ACTR3C: variants seen among roughly 807,000 people sequenced by gnomAD.
ACTR3C encodes the protein actin related protein 3C, also known as actin-related protein 3C.
A neutral mutation model predicts 26.3 loss-of-function variants in ACTR3C; 18 were observed. The observed-to-expected ratio is 0.68, with a 90% CI of 0.47 to 1.01. The LOEUF (loss-of-function observed/expected upper bound fraction) is 1.01, where lower values mean the gene tolerates loss of function less well. Among genes scored for constraint, ACTR3C ranks in the 50% least tolerant of loss-of-function variants. The pLI is 0.00. For missense variants in ACTR3C, 184 were observed against 250.7 expected, an observed-to-expected ratio of 0.73 and a Z score of 1.80; for synonymous variants, 55 against 94.5, an observed-to-expected ratio of 0.58 and a Z score of 2.42.
chr7:149,885,070 G>A, the ACTR3C span, among the ~76,000 whole-genome samples: 1 of 152,084 alleles, frequency 6.6e-6, no homozygotes, highest in Non-Finnish European at 1.5e-5. Flanking sequence ...ATGATGCTTA[G>A]CAGTACCGCC....
chr7:150,049,988 C>T, the ACTR3C span, among the ~76,000 whole-genome samples: 2 of 152,120 alleles, frequency 1.3e-5, no homozygotes, highest in East Asian at 3.8e-4. Flanking sequence ...CTCCATTTGA[C>T]TTTGAAGACA....
the ACTR3C span, among the ~76,000 whole-genome samples, chr7:150,042,226 G>A: frequency 7.1e-5 from 2 of 28,042 alleles, no homozygotes; most frequent in Non-Finnish European, 1.4e-4. Flanking sequence ...AGCCGGGGGT[G>A]GAAGAGGGGA....
chr7:150,050,215 A>G, the ACTR3C span, among the ~76,000 whole-genome samples: 1 of 152,222 alleles, frequency 6.6e-6, no homozygotes, highest in Non-Finnish European at 1.5e-5. Flanking sequence ...CCACTTATGT[A>G]ATATACATAT....
the ACTR3C span, among the ~76,000 whole-genome samples, chr7:149,899,593 T>A: frequency 1.6e-5 from 2 of 124,580 alleles, no homozygotes; most frequent in African/African-American, 2.8e-5. Flanking sequence ...GAAAATAGAC[T>A]GGAAGAAGTA....
intron 5 of ACTR3C, among the ~76,000 whole-genome samples, chr7:150,285,278 C>G (rs977725793): frequency 1.3e-5 from 2 of 152,092 alleles, no homozygotes; most frequent in African/African-American, 4.8e-5. Context: ...TTAATTAAAC[C>G]TGGTCTAGAA....
chr7:150,084,802 C>A, the ACTR3C span, among the ~76,000 whole-genome samples: 1 of 151,954 alleles, frequency 6.6e-6, no homozygotes, highest in Non-Finnish European at 1.5e-5. Flanking sequence ...AGGATCCCTG[C>A]GGCTGTCTTA....
chr7:150,200,431 CA>C, the ACTR3C span, among the ~76,000 whole-genome samples: 3 of 141,258 alleles, frequency 2.1e-5, no homozygotes, highest in African/African-American at 6.1e-5. Context: ...ATTTAAAAAT[CA>C]TTTTTTTTCA....
the ACTR3C span, among the ~76,000 whole-genome samples, chr7:149,888,232 C>G: frequency 2.6e-5 from 4 of 152,130 alleles, no homozygotes; most frequent in Admixed American, 2.6e-4. Context: ...TATTAATGAC[C>G]CCTGTGTTAC....
chr7:149,943,903 A>G, the ACTR3C span, among the ~76,000 whole-genome samples: 16,409 of 124,376 alleles, frequency 0.13, 2,212 homozygotes, highest in African/African-American at 0.36. Context: ...CCACTTCATC[A>G]GGTTTTATGC....
the ACTR3C span, among the ~76,000 whole-genome samples, chr7:150,097,636 C>A: frequency 1.3e-5 from 2 of 151,628 alleles, no homozygotes; most frequent in South Asian, 4.1e-4. Flanking sequence ...ACACTTCATT[C>A]TTTTGCCCTC....
chr7:149,892,130 A>G, the ACTR3C span: 2 of 732,552 alleles, frequency 2.7e-6, no homozygotes, highest in Non-Finnish European at 4.1e-6. Flanking sequence ...AACCATCACC[A>G]CCACCTCTAT....
At chr7:150,037,800 CA>C in the ACTR3C span, among the ~76,000 whole-genome samples, 2 of 45,512 alleles carry the variant, frequency 4.4e-5, no homozygotes, top group African/African-American at 5.9e-5. Context: ...TCCCCAGAGC[CA>C]GCGGGGGAAG....
the ACTR3C span, among the ~76,000 whole-genome samples, chr7:150,036,199 A>G: frequency 1.4e-5 from 2 of 145,970 alleles, no homozygotes; most frequent in Non-Finnish European, 3.1e-5. Flanking sequence ...CCAGGGGGGA[A>G]GAGGGGATGG....
the ACTR3C span, among the ~76,000 whole-genome samples, chr7:150,225,004 AGTGTGTGTGTGTGTGTGTGT>A: frequency 1.5e-5 from 2 of 136,188 alleles, no homozygotes; most frequent in African/African-American, 5.4e-5. Context: ...CACCCCCATT[AGTGTGTGTGTGTGTGTGTGT>A]GTGTGTGTGT....
chr7:150,259,929 A>G (rs1037925172), intron 6 of ACTR3C, among the ~76,000 whole-genome samples: 1 of 152,168 alleles, frequency 6.6e-6, no homozygotes, highest in African/African-American at 2.4e-5. Context: ...CTCATGGTTC[A>G]TCTTCCTCTC....
the ACTR3C span, among the ~76,000 whole-genome samples, chr7:150,178,901 T>A: frequency 6.6e-6 from 1 of 150,510 alleles, no homozygotes; most frequent in Non-Finnish European, 1.5e-5. Context: ...TATGAGTAAC[T>A]GTTCAGAAAG....
chr7:149,991,987 T>C, the ACTR3C span, among the ~76,000 whole-genome samples: 11 of 110,700 alleles, frequency 9.9e-5, no homozygotes, highest in African/African-American at 3.1e-4. Flanking sequence ...TTACACTGAG[T>C]GTTTGTTATG....
chr7:150,064,872 T>G, the ACTR3C span, among the ~76,000 whole-genome samples: 1 of 152,238 alleles, frequency 6.6e-6, no homozygotes, highest in Admixed American at 6.5e-5. Flanking sequence ...TATATGGTAC[T>G]ACTATGTAAA....
the ACTR3C span, among the ~76,000 whole-genome samples, chr7:150,029,100 C>A: frequency 6.6e-6 from 1 of 151,930 alleles, no homozygotes; most frequent in Non-Finnish European, 1.5e-5. Context: ...AATACAAACA[C>A]CTCCACCACA....
Sources: gnomAD v4.1 joint callset for allele counts (sites outside exome capture counted in the v4.1 genomes callset) on GRCh38, gnomAD v4.1.1 for gene constraint, MANE v1.5 for transcripts, NCBI Gene and HGNC (gene_info 2026-07-23, HGNC 2026-07-21) for gene names.